Variants in DLG5 observed in about 807,000 individuals in gnomAD.
DLG5 encodes disks large homolog 5.
Under a neutral mutation model 189.8 loss-of-function variants are expected in DLG5, and 48 were observed. The ratio of observed to expected loss-of-function variants is 0.25; its 90% CI spans 0.20 to 0.32. The LOEUF (loss-of-function observed/expected upper bound fraction) is 0.32. Ranked by LOEUF, DLG5 falls within the 10% of genes least tolerant of loss-of-function variation. The pLI is 1.00. For synonymous variants in DLG5, 1,016 were observed against 1,054.1 expected, an observed-to-expected ratio of 0.96 and a Z score of 0.70; for missense variants, 2,160 against 2,544.7, an observed-to-expected ratio of 0.85 and a Z score of 3.25.
Position 77,817,057 on chromosome 10 carries a change from T to C in DLG5, c.3824A>G (p.Lys1275Arg). 1.2e-6 allele frequency: 2 copies of C among 1,614,212 alleles called. No individual in the cohort carries two copies. Among genetic ancestry groups the C allele is most frequent in the African/African-American group, 1.3e-5 (1 of 75,054 alleles). The change falls in exon 19 of 32, where the codon AAA becomes AGA. Residue 1275 changes from lysine (K) to arginine (R), a missense_variant. This residue lies in a region of DLG5 where 754 missense variants were observed against 746.5 expected (regional missense o/e 1.01). Transcript: ENST00000372391. ...SNLQFKAERIKIPSTPRYPRS... is the reference protein window; with the variant it reads ...SNLQFKAERIRIPSTPRYPRS... ...CGGATATCTTGGTGTTGATGGGATT[T>C]TAATGCGTTCCGCCTTGAACTGCAA... is the stretch of plus-strand genomic sequence containing the variant.
intron 9 of DLG5, among the ~76,000 whole-genome samples, chr10:77,831,527 A>G (rs1182498152): frequency 1.3e-5 from 2 of 152,266 alleles, no homozygotes; most frequent in Admixed American, 6.5e-5. Flanking sequence ...GAAAATGACT[A>G]AAGTGGGAGG....
At chr10:77,849,341 G>GGA (rs1334874482) in intron 5 of DLG5, among the ~76,000 whole-genome samples, 1 of 152,242 alleles carries the variant, frequency 6.6e-6, no homozygotes, top group African/African-American at 2.4e-5. Context: ...GGCCCAGCGG[G>GGA]GAGCAAGCCT....
At chr10:77,807,000 G>T in intron 25 of DLG5, 72 bp from the exon 26 acceptor site, 1 of 1,541,116 alleles carries the variant, frequency 6.5e-7, no homozygotes, top group Non-Finnish European at 8.9e-7. Flanking sequence ...GCCTTCTGTG[G>T]CCAGGCCCCT....
chr10:77,812,451 A>G, intron 20 of DLG5, 74 bp from the exon 21 acceptor site: 2 of 1,536,884 alleles, frequency 1.3e-6, no homozygotes. Flanking sequence ...CTCTCTGATC[A>G]GGCATATGAT....
chr10:77,852,567 C>G (rs111503264), intron 5 of DLG5, among the ~76,000 whole-genome samples: 12 of 152,046 alleles, frequency 7.9e-5, no homozygotes, highest in Admixed American at 3.3e-4. Context: ...AGGTGCCCAC[C>G]ACCACGCCCG....
intron 1 of DLG5, among the ~76,000 whole-genome samples, chr10:77,901,367 A>C (rs1409256605): frequency 4.6e-5 from 7 of 152,206 alleles, no homozygotes; most frequent in South Asian, 2.1e-4. Flanking sequence ...TGACCTTTAC[A>C]GGGACAACTG....
intron 7 of DLG5, among the ~76,000 whole-genome samples, chr10:77,841,379 C>T (rs754305809): frequency 8.5e-5 from 13 of 152,174 alleles, no homozygotes; most frequent in Non-Finnish European, 1.5e-4. Flanking sequence ...TTGGGCTCAG[C>T]CTACTAGCAC....
intron 24 of DLG5, among the ~76,000 whole-genome samples, chr10:77,809,159 C>A (rs1266683777): frequency 7.1e-6 from 1 of 140,936 alleles, no homozygotes; most frequent in African/African-American, 2.7e-5. Context: ...ATAATCACAG[C>A]AGTTTGGAAG....
chr10:77,830,041 G>C (rs1842826734), intron 11 of DLG5, among the ~76,000 whole-genome samples, 176 bp downstream of exon 11: 1 of 152,178 alleles, frequency 6.6e-6, no homozygotes, highest in Non-Finnish European at 1.5e-5. Flanking sequence ...AGGCAACTGA[G>C]AAGCACTGTT....
chr10:77,887,400 C>A (rs899505291), intron 1 of DLG5, among the ~76,000 whole-genome samples: 5 of 152,122 alleles, frequency 3.3e-5, no homozygotes, highest in African/African-American at 1.2e-4. Context: ...GCCTTCTTTC[C>A]CAGCCTCAGG....
intron 6 of DLG5, among the ~76,000 whole-genome samples, chr10:77,843,118 C>T (rs1485311395): frequency 2.0e-5 from 3 of 152,144 alleles, no homozygotes; most frequent in Non-Finnish European, 4.4e-5. Context: ...ACCAAAGAAA[C>T]AGGATGCTCA....
intron 2 of DLG5, among the ~76,000 whole-genome samples, chr10:77,862,689 A>G (rs967261022): frequency 1.1e-4 from 16 of 152,232 alleles, no homozygotes; most frequent in African/African-American, 3.9e-4. Context: ...ATGAATAAAC[A>G]ACTGTGTTAT....
intron 1 of DLG5, among the ~76,000 whole-genome samples, chr10:77,899,464 G>C (rs183854167): frequency 2.3e-4 from 35 of 152,334 alleles, no homozygotes; most frequent in Non-Finnish European, 4.1e-4. Context: ...CTATGCCTCA[G>C]TTCCCTCATC....
intron 1 of DLG5, among the ~76,000 whole-genome samples, chr10:77,908,100 G>A (rs1399209335): frequency 6.6e-6 from 1 of 152,074 alleles, no homozygotes; most frequent in African/African-American, 2.4e-5. Flanking sequence ...CTGGAAAGCA[G>A]AGGTACCCTC....
chr10:77,824,561 G>A (rs1407582886), intron 13 of DLG5, 85 bp from the exon 14 acceptor site: 24 of 1,042,924 alleles, frequency 2.3e-5, no homozygotes, highest in Admixed American at 4.2e-5. Flanking sequence ...CTAACCTCCT[G>A]TGCTAGACAG....
Position 77,821,103 on chromosome 10 carries a change from C to T in DLG5, c.3381G>A (p.Val1127=), listed in dbSNP as rs778166031. The change falls in exon 15 of 32, where the codon GTG becomes GTA. Residue 1127 remains valine (V), a synonymous_variant. Coordinates refer to ENST00000372391, the MANE Select transcript of DLG5 (RefSeq NM_004747.4). ...ATACCTCCAGGAACTGAGCAGGAAT[C>T]ACTACTGGAGCAAGCTTCGGCCGAA... The part of the protein sequence containing the change: ...PSFRPKLAPV[V]IPAQFLEEQK... The T allele has an allele frequency of 1.2e-6, 2 of 1,612,956 alleles. No homozygotes were observed. Among genetic ancestry groups the T allele is most frequent in the South Asian group, 2.2e-5 (2 of 90,928 alleles).
At chr10:77,880,111 A>G (rs1845230320) in intron 1 of DLG5, among the ~76,000 whole-genome samples, 2 of 152,096 alleles carry the variant, frequency 1.3e-5, no homozygotes, top group Admixed American at 6.6e-5. Context: ...AACCAAGAAG[A>G]CAGAGGAGAA....
intron 13 of DLG5, among the ~76,000 whole-genome samples, chr10:77,825,118 T>C (rs578042613): frequency 6.6e-5 from 10 of 152,272 alleles, no homozygotes; most frequent in African/African-American, 2.4e-4. Flanking sequence ...GGGTGGATCT[T>C]GCAGGCATGG....
intron 1 of DLG5, among the ~76,000 whole-genome samples, chr10:77,923,517 G>A (rs1281137107): frequency 6.6e-6 from 1 of 152,228 alleles, no homozygotes; most frequent in Admixed American, 6.5e-5. Flanking sequence ...CAACACTTTT[G>A]GGAGGCTGAG....
Sources: allele counts gnomAD v4.1 joint callset (sites outside exome capture counted in the v4.1 genomes callset), GRCh38; gene constraint gnomAD v4.1.1; regional missense constraint gnomAD v4.1.1; transcripts MANE v1.5; gene names NCBI Gene and HGNC (gene_info 2026-07-23, HGNC 2026-07-21).